Variants in ADAMTS17 observed in about 807,000 individuals in gnomAD.
ADAMTS17 encodes ADAM metallopeptidase with thrombospondin type 1 motif 17, also known as A disintegrin and metalloproteinase with thrombospondin motifs 17.
ADAMTS17 carries 113 observed loss-of-function variants against 141.5 expected under a neutral mutation model. That is an observed-to-expected ratio of 0.80 (90% CI 0.69 to 0.93). The LOEUF (loss-of-function observed/expected upper bound fraction) is 0.93. Ranked by LOEUF, ADAMTS17 falls within the 40% of genes least tolerant of loss-of-function variation. The probability of loss-of-function intolerance (pLI) is 0.00; values close to 1 mark genes in which losing one functional copy is unlikely to be tolerated. For synonymous variants in ADAMTS17, 768 were observed against 630.6 expected, an observed-to-expected ratio of 1.22 and a Z score of -3.27; for missense variants, 1,659 against 1,517.9, an observed-to-expected ratio of 1.09 and a Z score of -1.54.
In ADAMTS17 at chr15:100,053,924, T is replaced by A; in HGVS notation, c.2268A>T (p.Gly756=). The change falls in exon 16 of 22, where the codon GGA becomes GGT. Residue 756 remains glycine, a synonymous_variant. Coordinates refer to ENST00000268070, the MANE Select transcript of ADAMTS17 (RefSeq NM_139057.4). The part of the protein sequence containing the change: ...RGLWEKISAK[G]PTKLPLHLMV... Reference sequence around the variant, plus strand: ...TCAAGTGCAGCGGTAGTTTGGTTGGTCCCTTGGCAGAGATCTTCTCCCACA... The same window carrying A: ...TCAAGTGCAGCGGTAGTTTGGTTGGACCCTTGGCAGAGATCTTCTCCCACA... 8 of 1,614,128 alleles carry A rather than the reference T, an allele frequency of 5.0e-6. No individual in the cohort carries two copies. Among genetic ancestry groups the A allele is most frequent in the Non-Finnish European group, 6.8e-6 (8 of 1,180,020 alleles).
intron 3 of ADAMTS17, among the ~76,000 whole-genome samples, chr15:100,313,392 C>G (rs2141869100): frequency 6.6e-6 from 1 of 152,292 alleles, no homozygotes; most frequent in Non-Finnish European, 1.5e-5. Flanking sequence ...ACATAATATG[C>G]CACATTAATA....
intron 8 of ADAMTS17, among the ~76,000 whole-genome samples, chr15:100,162,378 T>A (rs1029334939): frequency 1.0e-4 from 15 of 147,526 alleles, no homozygotes; most frequent in Admixed American, 8.9e-4. Flanking sequence ...TATATATATG[T>A]TATATATATA....
At chr15:100,154,972 C>G (rs572068026) in intron 9 of ADAMTS17, among the ~76,000 whole-genome samples, 25 of 152,314 alleles carry the variant, frequency 1.6e-4, no homozygotes, top group African/African-American at 5.8e-4. Context: ...TAATGATCAC[C>G]CACTGTGCGC....
chr15:100,253,824 G>A lies in ADAMTS17; in HGVS notation c.1075+312C>T, dbSNP rs7165719. Reference sequence around the variant, plus strand: ...CTTAGCAGGCTGCCTCTCCTGCCTGGGTGACCAAAATGCTCAGAGCCAAAT... The same window carrying A: ...CTTAGCAGGCTGCCTCTCCTGCCTGAGTGACCAAAATGCTCAGAGCCAAAT... On this transcript the variant is annotated intron_variant, in intron 7 of 21. Coordinates refer to ENST00000268070, the MANE Select transcript of ADAMTS17 (RefSeq NM_139057.4). 0.28 allele frequency among the ~76,000 whole-genome samples: 42,196 copies of A among 151,706 alleles called. 6,248 individuals carry two copies. The highest frequency in any genetic ancestry group is 0.34 in the Admixed American group (5,139 of 15,230).
chr15:100,192,480 C>T (rs1393656698), intron 8 of ADAMTS17, among the ~76,000 whole-genome samples: 1 of 152,244 alleles, frequency 6.6e-6, no homozygotes, highest in South Asian at 2.1e-4. Flanking sequence ...CCTCTCCCTC[C>T]AGGATTTCTA....
chr15:100,304,037 T>C (rs2045137022), intron 3 of ADAMTS17, among the ~76,000 whole-genome samples: 2 of 152,242 alleles, frequency 1.3e-5, no homozygotes, highest in African/African-American at 4.8e-5. Flanking sequence ...ATCAGCTCTT[T>C]ATGTCATGAC....
chr15:100,136,971 G>C (rs544395318), intron 10 of ADAMTS17, among the ~76,000 whole-genome samples: 1 of 152,346 alleles, frequency 6.6e-6, no homozygotes, highest in Admixed American at 6.5e-5. Context: ...AGTGAGTGAT[G>C]CTGATACAGA....
At chr15:100,058,158 G>C in intron 15 of ADAMTS17, among the ~76,000 whole-genome samples, 1 of 150,640 alleles carries the variant, frequency 6.6e-6, no homozygotes, top group Non-Finnish European at 1.5e-5. Flanking sequence ...CTCTATCCCA[G>C]CTCTAACCCT....
Position 100,325,398 on chromosome 15 carries a change from C to G in ADAMTS17, c.616+5491G>C, listed in dbSNP as rs372540100. Among the ~76,000 whole-genome samples, 9 of 152,196 alleles carry G rather than the reference C, an allele frequency of 5.9e-5. No individual in the cohort carries two copies. The East Asian group carries it at 1.7e-3, about 29-fold the overall frequency. ...TGGGCCCTAATCCAATGACTGGGAT[C>G]CTCCTAAGAGGAAATTTGGACGGAG... is the stretch of plus-strand genomic sequence containing the variant. On this transcript the variant is annotated intron_variant, in intron 3 of 21. Transcript: ENST00000268070.
chr15:100,072,658 A>G (rs2034063101), intron 15 of ADAMTS17, among the ~76,000 whole-genome samples: 1 of 152,222 alleles, frequency 6.6e-6, no homozygotes, highest in African/African-American at 2.4e-5. Flanking sequence ...CAATGGGGAA[A>G]GGATTCCCTA....
intron 6 of ADAMTS17, among the ~76,000 whole-genome samples, chr15:100,255,280 G>A (rs1240745556): frequency 2.0e-5 from 3 of 152,110 alleles, no homozygotes; most frequent in Non-Finnish European, 2.9e-5. Context: ...CGGCTGAGGA[G>A]CCACAACCTG....
intron 14 of ADAMTS17, among the ~76,000 whole-genome samples, chr15:100,102,390 G>A (rs112704935): frequency 1.8e-5 from 2 of 110,056 alleles, no homozygotes; most frequent in East Asian, 2.4e-4. Flanking sequence ...TTTGAGGGCC[G>A]ACCGAAGGGG....
intron 7 of ADAMTS17, among the ~76,000 whole-genome samples, chr15:100,243,839 A>AACATG (rs149133572): frequency 1.3e-5 from 2 of 149,070 alleles, no homozygotes; most frequent in Admixed American, 6.7e-5. Flanking sequence ...GAAACAAAAC[A>AACATG]AAATGAAAGT....
intron 15 of ADAMTS17, among the ~76,000 whole-genome samples, chr15:100,085,062 T>C (rs957932752): frequency 6.6e-6 from 1 of 152,050 alleles, no homozygotes. Flanking sequence ...AGGAGGAAGT[T>C]CGAACCCATG....
Position 100,109,133 on chromosome 15 carries a change from T to A in ADAMTS17, c.1889-17A>T. 6.3e-7 allele frequency: 1 copy of A among 1,599,398 alleles called. No individual in the cohort carries two copies. The highest frequency in any genetic ancestry group is 8.5e-7 in the Non-Finnish European group (1 of 1,172,800). On this transcript the variant is annotated splice_polypyrimidine_tract_variant and intron_variant, in intron 13 of 21. Coordinates refer to ENST00000268070, the MANE Select transcript of ADAMTS17 (RefSeq NM_139057.4). ...ATGGCTTATCTGAGGAGGGAAAGGT[T>A]GGAGGACGTTGACACGGGAAGGTGT...
intron 8 of ADAMTS17, among the ~76,000 whole-genome samples, chr15:100,192,077 G>T (rs971524043): frequency 1.3e-5 from 2 of 152,062 alleles, no homozygotes; most frequent in African/African-American, 4.8e-5. Context: ...AGGAAATAAG[G>T]CCTGCACGTT....
At chr15:100,111,600 G>A (rs1050890847) in intron 13 of ADAMTS17, among the ~76,000 whole-genome samples, 2 of 152,354 alleles carry the variant, frequency 1.3e-5, no homozygotes, top group African/African-American at 4.8e-5. Flanking sequence ...CTACTGTTTC[G>A]TTGAAAGCAA....
At chr15:100,078,461 C>A (rs1277726246) in intron 15 of ADAMTS17, among the ~76,000 whole-genome samples, 1 of 152,088 alleles carries the variant, frequency 6.6e-6, no homozygotes, top group Non-Finnish European at 1.5e-5. Context: ...CAAGAATATT[C>A]ATCGGGGAAA....
chr15:100,135,000 G>A (rs906950649), intron 10 of ADAMTS17, among the ~76,000 whole-genome samples: 1 of 152,190 alleles, frequency 6.6e-6, no homozygotes. Context: ...AGACTGTGGT[G>A]TCTGTGTGTG....
Sources: gnomAD v4.1 joint callset for allele counts (sites outside exome capture counted in the v4.1 genomes callset) on GRCh38, gnomAD v4.1.1 for gene constraint, MANE v1.5 for transcripts, NCBI Gene and HGNC (gene_info 2026-07-23, HGNC 2026-07-21) for gene names.